PDZRN4: variants seen among roughly 807,000 people sequenced by gnomAD.
PDZRN4 encodes PDZ domain containing ring finger 4, also known as PDZ domain-containing RING finger protein 4.
In PDZRN4, 70 loss-of-function variants were observed where a neutral mutation model predicts 99.0. That is an observed-to-expected ratio of 0.71 (90% CI 0.58 to 0.86). PDZRN4 has a LOEUF of 0.86. PDZRN4 is among the 40% of genes least tolerant of loss of function. PDZRN4 has a pLI of 0.00. For missense variants in PDZRN4, 1,474 were observed against 1,331.2 expected (o/e 1.11, Z -1.67); for synonymous variants, 551 against 501.6 (o/e 1.10, Z -1.32).
At chr12:41,464,584 A>G (rs1952907173) in intron 3 of PDZRN4, among the ~76,000 whole-genome samples, 1 of 152,182 alleles carries the variant, frequency 6.6e-6, no homozygotes, top group African/African-American at 2.4e-5. Context: ...TCTAAATTGG[A>G]GACATGTTTT....
At chr12:41,560,748 G>A (rs576504142) in intron 7 of PDZRN4, among the ~76,000 whole-genome samples, 12 of 152,252 alleles carry the variant, frequency 7.9e-5, no homozygotes, top group Admixed American at 2.0e-4. Context: ...AAGAGCAACC[G>A]AAGGTTGAAA....
chr12:41,299,276 G>C (rs998802592), intron 3 of PDZRN4, among the ~76,000 whole-genome samples: 7 of 152,110 alleles, frequency 4.6e-5, no homozygotes, highest in Non-Finnish European at 4.4e-5. Context: ...GAGAGAGAGA[G>C]AGAGAGACAG....
At chr12:41,528,175 T>G (rs538368278) in intron 5 of PDZRN4, among the ~76,000 whole-genome samples, 26 of 149,574 alleles carry the variant, frequency 1.7e-4, no homozygotes, top group South Asian at 6.3e-4. Context: ...GAGCCGTTTT[T>G]GGGGGGTTTT....
intron 3 of PDZRN4, among the ~76,000 whole-genome samples, chr12:41,322,007 G>A (rs1592011229): frequency 1.3e-5 from 2 of 151,918 alleles, no homozygotes; most frequent in Non-Finnish European, 2.9e-5. Context: ...CTGGGCTGGT[G>A]CACCAATGTT....
intron 3 of PDZRN4, among the ~76,000 whole-genome samples, chr12:41,499,257 G>C (rs188840987): frequency 2.6e-5 from 4 of 152,204 alleles, no homozygotes; most frequent in East Asian, 1.9e-4. Context: ...CCAAGACAGA[G>C]AGCTGGGTAA....
At chr12:41,317,047 A>ATTATATATATATATATAT (rs1565549929) in intron 3 of PDZRN4, among the ~76,000 whole-genome samples, 1 of 8,058 alleles carries the variant, frequency 1.2e-4, no homozygotes, top group Non-Finnish European at 9.7e-4. Context: ...ACTTACATAA[A>ATTATATATATATATATAT]GTATATATAT....
chr12:41,573,306 A>G lies in PDZRN4; in HGVS notation c.2527A>G (p.Ile843Val). The change falls in exon 10 of 10, where the codon ATC becomes GTC. Residue 843 changes from isoleucine to valine, a missense_variant. By Grantham distance (29) the Ile-to-Val change is conservative. Transcript: ENST00000402685. ...YHSSSYRYAN[I>V]PAHARHYQSY... ...CAGCTCCTCATATAGATATGCAAACATCCCAGCACACGCCCGGCATTATCA... is the reference window on the plus strand; with the variant it reads ...CAGCTCCTCATATAGATATGCAAACGTCCCAGCACACGCCCGGCATTATCA... The G allele has an allele frequency of 6.2e-7, 1 of 1,613,490 alleles. No homozygotes were observed. Among genetic ancestry groups the G allele is most frequent in the African/African-American group, 1.3e-5 (1 of 75,018 alleles).
At chr12:41,275,260 C>T (rs186300524) in intron 3 of PDZRN4, among the ~76,000 whole-genome samples, 19 of 152,226 alleles carry the variant, frequency 1.2e-4, no homozygotes, top group African/African-American at 4.3e-4. Flanking sequence ...TGTCTTACCA[C>T]CTTATAAAAT....
At chr12:41,369,214 T>C (rs906015882) in intron 3 of PDZRN4, among the ~76,000 whole-genome samples, 3 of 152,116 alleles carry the variant, frequency 2.0e-5, no homozygotes, top group South Asian at 2.1e-4. Context: ...CTAGGTACTA[T>C]AAACAGCATC....
chr12:41,314,086 C>A (rs1225817198), intron 3 of PDZRN4, among the ~76,000 whole-genome samples: 4 of 152,122 alleles, frequency 2.6e-5, no homozygotes, highest in Admixed American at 2.6e-4. Flanking sequence ...TTTGATGGCT[C>A]TATAATTAGA....
intron 3 of PDZRN4, among the ~76,000 whole-genome samples, chr12:41,464,511 T>G (rs1175932746): frequency 6.6e-6 from 1 of 152,204 alleles, no homozygotes; most frequent in Non-Finnish European, 1.5e-5. Context: ...ACAATTAATA[T>G]GCATTCTGAA....
At chr12:41,210,020 C>G (rs1221868490) in intron 3 of PDZRN4, among the ~76,000 whole-genome samples, 2 of 152,062 alleles carry the variant, frequency 1.3e-5, no homozygotes, top group East Asian at 3.9e-4. Context: ...TGTTTCCTGA[C>G]TCTTTAATGA....
At chr12:41,458,183 G>A (rs1049708670) in intron 3 of PDZRN4, among the ~76,000 whole-genome samples, 2 of 152,110 alleles carry the variant, frequency 1.3e-5, no homozygotes, top group East Asian at 3.9e-4. Context: ...GTGAGATGGA[G>A]TTTCGCTCTT....
chr12:41,390,739 G>A (rs1952204851), intron 3 of PDZRN4, among the ~76,000 whole-genome samples: 2 of 152,054 alleles, frequency 1.3e-5, no homozygotes, highest in Non-Finnish European at 2.9e-5. Context: ...TCTGCAGGAG[G>A]TAAGATTTTG....
At chr12:41,526,414 C>T (rs1938568243) in intron 5 of PDZRN4, among the ~76,000 whole-genome samples, 1 of 152,190 alleles carries the variant, frequency 6.6e-6, no homozygotes, top group African/African-American at 2.4e-5. Context: ...CTTGCCTTAG[C>T]TTAAGGCTTT....
intron 1 of PDZRN4, among the ~76,000 whole-genome samples, chr12:41,189,403 T>C (rs1950720848): frequency 6.6e-6 from 1 of 152,176 alleles, no homozygotes; most frequent in East Asian, 1.9e-4. Flanking sequence ...ACTCTCGTTT[T>C]CCATCTTTCA....
At chr12:41,376,862 A>G (rs527464887) in intron 3 of PDZRN4, among the ~76,000 whole-genome samples, 10 of 151,980 alleles carry the variant, frequency 6.6e-5, no homozygotes, top group Non-Finnish European at 1.3e-4. Context: ...TGGTTTTATG[A>G]TTTATATTTA....
At chr12:41,206,826 T>C (rs564542131) in intron 3 of PDZRN4, among the ~76,000 whole-genome samples, 1 of 152,092 alleles carries the variant, frequency 6.6e-6, no homozygotes, top group East Asian at 1.9e-4. Flanking sequence ...CCTGGTTTTC[T>C]CTCGGAGAAA....
chr12:41,493,924 G>A (rs1164943159), intron 3 of PDZRN4, among the ~76,000 whole-genome samples: 3 of 151,242 alleles, frequency 2.0e-5, no homozygotes, highest in East Asian at 1.9e-4. Context: ...TCTCTTTACC[G>A]AAGTTTTAAG....
Sources: gnomAD v4.1 joint callset for allele counts (sites outside exome capture counted in the v4.1 genomes callset) on GRCh38, gnomAD v4.1.1 for gene constraint, MANE v1.5 for transcripts, NCBI Gene and HGNC (gene_info 2026-07-23, HGNC 2026-07-21) for gene names.